The following POTEJ variants were observed in gnomAD, a reference collection of about 807,000 sequenced individuals.
The protein encoded by POTEJ is POTE ankyrin domain family, member J.
A neutral mutation model predicts 69.0 loss-of-function variants in POTEJ; 11 were observed. The observed-to-expected ratio is 0.16, with a 90% confidence interval of 0.10 to 0.26. The LOEUF (loss-of-function observed/expected upper bound fraction) is 0.26. Among genes scored for constraint, POTEJ ranks in the 10% least tolerant of loss-of-function variants. The pLI is 1.00. For missense variants in POTEJ, 327 were observed against 1,045.5 expected (o/e 0.31, Z 9.48); for synonymous variants, 117 against 381.1 (o/e 0.31, Z 8.07).
At chr2:130,634,092 C>T (rs1321073270) in intron 9 of POTEJ, among the ~76,000 whole-genome samples, 1 of 152,172 alleles carries the variant, frequency 6.6e-6, no homozygotes, top group East Asian at 1.9e-4. Context: ...ACACTATGGA[C>T]TGTAAAGTGA....
At chr2:130,614,445 T>G (rs1685357458) in intron 1 of POTEJ, among the ~76,000 whole-genome samples, 4 of 146,632 alleles carry the variant, frequency 2.7e-5, no homozygotes, top group Non-Finnish European at 4.5e-5. Context: ...ATGAACAAAT[T>G]TCAGTGCATC....
chr2:130,651,856 T>C (rs1686817741), intron 13 of POTEJ, among the ~76,000 whole-genome samples: 1 of 145,780 alleles, frequency 6.9e-6, no homozygotes, highest in African/African-American at 2.6e-5. Context: ...TTTGACTGAA[T>C]AGGTTAAAAG....
intron 13 of POTEJ, among the ~76,000 whole-genome samples, chr2:130,647,388 G>A (rs1459887777): frequency 6.6e-6 from 1 of 151,056 alleles, no homozygotes; most frequent in African/African-American, 2.5e-5. Context: ...ATATTGCCAA[G>A]GGATTGTACA....
intron 14 of POTEJ, among the ~76,000 whole-genome samples, chr2:130,655,466 A>C (rs1468754349): frequency 6.6e-6 from 1 of 152,252 alleles, no homozygotes; most frequent in African/African-American, 2.4e-5. Context: ...GGATACCATT[A>C]TCCTTACTTT....
chr2:130,650,157 T>C (rs1295728387), intron 13 of POTEJ, among the ~76,000 whole-genome samples: 331 of 152,260 alleles, frequency 2.2e-3, no homozygotes, highest in African/African-American at 7.8e-3. Flanking sequence ...ATTTATCATC[T>C]CTAACTTCAA....
chr2:130,627,940 TTC>T (rs1349645947), intron 6 of POTEJ, among the ~76,000 whole-genome samples: 52 of 141,962 alleles, frequency 3.7e-4, no homozygotes, highest in African/African-American at 1.4e-3. Context: ...TTATTATAAT[TTC>T]TCTGACTTCT....
chr2:130,621,590 A>AGTC lies in POTEJ; in HGVS notation c.932_934dup (p.Ser311_His312insArg). The AGTC allele has an allele frequency of 6.2e-7, 1 of 1,610,772 alleles. No individual in the cohort carries two copies. The highest frequency in any genetic ancestry group is 8.5e-7 in the Non-Finnish European group (1 of 1,179,380). ...GACGGCCAGAGAGTATGCTGTTTCT[A>AGTC]GTCATCATCATGTGTAAGTGTTCAC... On this transcript the variant is annotated inframe_insertion, in exon 5 of 15. Coordinates refer to ENST00000409602, the MANE Select transcript of POTEJ (RefSeq NM_001277083.2).
intron 1 of POTEJ, among the ~76,000 whole-genome samples, chr2:130,614,158 A>G (rs1412906405): frequency 1.5e-5 from 2 of 133,192 alleles, no homozygotes; most frequent in Non-Finnish European, 3.2e-5. Flanking sequence ...CTCCATCTCA[A>G]AAAAAAAAGA....
At chr2:130,637,692 T>A (rs1371076672) in intron 9 of POTEJ, among the ~76,000 whole-genome samples, 1 of 152,278 alleles carries the variant, frequency 6.6e-6, no homozygotes, top group Non-Finnish European at 1.5e-5. Context: ...GTATGTATGT[T>A]AAAAATTAGA....
At chr2:130,655,488 A>G (rs1686953782) in intron 14 of POTEJ, among the ~76,000 whole-genome samples, 1 of 152,262 alleles carries the variant, frequency 6.6e-6, no homozygotes, top group Non-Finnish European at 1.5e-5. Context: ...GCAGAGAGGA[A>G]CAGTTTGCTC....
chr2:130,654,667 T>C (rs1185448574), intron 13 of POTEJ, among the ~76,000 whole-genome samples: 8 of 143,906 alleles, frequency 5.6e-5, no homozygotes, highest in Non-Finnish European at 1.2e-4. Context: ...AAGTGCACAA[T>C]GAATGTAATT....
chr2:130,613,282 ATATATACATATATATACATATG>A (rs1685290024), intron 1 of POTEJ, among the ~76,000 whole-genome samples: 2 of 69,286 alleles, frequency 2.9e-5, no homozygotes, highest in Non-Finnish European at 2.6e-5. Flanking sequence ...ATACATATGT[ATATATACATATATATACATATG>A]TATATATACA....
At chr2:130,636,946 G>T (rs980483744) in intron 9 of POTEJ, among the ~76,000 whole-genome samples, 1 of 146,768 alleles carries the variant, frequency 6.8e-6, no homozygotes, top group Non-Finnish European at 1.5e-5. Flanking sequence ...GGGTGTGGTG[G>T]CATGCGCCTG....
chr2:130,650,176 G>C (rs1401327189), intron 13 of POTEJ, among the ~76,000 whole-genome samples: 1 of 152,268 alleles, frequency 6.6e-6, no homozygotes, highest in Admixed American at 6.5e-5. Context: ...AAACCTATTT[G>C]TGTCTTGACA....
chr2:130,651,433 GTTGCC>G, intron 13 of POTEJ, among the ~76,000 whole-genome samples: 1 of 103,242 alleles, frequency 9.7e-6, no homozygotes, highest in Non-Finnish European at 2.0e-5. Flanking sequence ...CTGTTCAAAA[GTTGCC>G]TTCCATTAAC....
chr2:130,625,211 C>T (rs1229796212), intron 6 of POTEJ, among the ~76,000 whole-genome samples: 22 of 152,134 alleles, frequency 1.4e-4, no homozygotes, highest in Admixed American at 6.5e-5. Flanking sequence ...CATAATAGAG[C>T]TGTCTCCATT....
chr2:130,639,480 G>A (rs1686254488), intron 10 of POTEJ, among the ~76,000 whole-genome samples: 1 of 152,296 alleles, frequency 6.6e-6, no homozygotes, highest in African/African-American at 2.4e-5. Context: ...GTTAGAAGAA[G>A]GTGCTCTGCT....
intron 8 of POTEJ, among the ~76,000 whole-genome samples, chr2:130,631,787 A>G (rs962482368): frequency 3.5e-5 from 5 of 142,316 alleles, no homozygotes; most frequent in African/African-American, 1.4e-4. Flanking sequence ...ATAGCTTCTT[A>G]TTCTGTGTAT....
At chr2:130,643,063 C>T (rs1339935745) in intron 10 of POTEJ, among the ~76,000 whole-genome samples, 1 of 147,934 alleles carries the variant, frequency 6.8e-6, no homozygotes, top group African/African-American at 2.5e-5. Flanking sequence ...CAAGACTCTC[C>T]CCTGCAGTCT....
Sources: allele counts gnomAD v4.1 joint callset (sites outside exome capture counted in the v4.1 genomes callset), GRCh38; gene constraint gnomAD v4.1.1; transcripts MANE v1.5; gene names NCBI Gene and HGNC (gene_info 2026-07-23, HGNC 2026-07-21).